Variants in SAMD5 observed in about 807,000 individuals in gnomAD.
SAMD5 encodes the protein sterile alpha motif domain containing 5.
Under a neutral mutation model 11.3 loss-of-function variants are expected in SAMD5, and 13 were observed. The observed-to-expected ratio is 1.15, with a 90% confidence interval of 0.75 to 1.83. The LOEUF (loss-of-function observed/expected upper bound fraction) is 1.83. Among genes scored for constraint, SAMD5 ranks in the 40% most tolerant of loss-of-function variants. SAMD5 has a pLI of 0.00. For synonymous variants in SAMD5, 129 were observed against 111.3 expected, an observed-to-expected ratio of 1.16 and a Z score of -1.00; for missense variants, 255 against 239.1, an observed-to-expected ratio of 1.07 and a Z score of -0.44.
intron 1 of SAMD5, among the ~76,000 whole-genome samples, chr6:147,625,971 G>A (rs1466878137): frequency 6.6e-6 from 1 of 152,128 alleles, no homozygotes; most frequent in Admixed American, 6.5e-5. Context: ...CAGCTTGTTT[G>A]CTGTTAAGGG....
the SAMD5 span, among the ~76,000 whole-genome samples, chr6:147,826,794 A>T: frequency 3.3e-5 from 5 of 152,116 alleles, no homozygotes; most frequent in African/African-American, 1.2e-4. Context: ...TGGTGTTATT[A>T]TGGTCCTATC....
At chr6:147,893,177 G>A in the SAMD5 span, among the ~76,000 whole-genome samples, 1 of 151,616 alleles carries the variant, frequency 6.6e-6, no homozygotes, top group Non-Finnish European at 1.5e-5. Flanking sequence ...ACTCCAGCCT[G>A]GGCAATGAGA....
rs191130650 is a variant in SAMD5, at chr6:147,661,241, C to T, written c.163-76076C>T. ...CCTTAAAGGGCATTTACATCTGAGA[C>T]TTCACCTTCAGATTTTTTATGAAAG... On this transcript the variant is annotated intron_variant, in intron 1 of 1. Transcript: ENST00000566741. Among the ~76,000 whole-genome samples, 16 of 152,148 alleles carry T rather than the reference C, an allele frequency of 1.1e-4. No individual in the cohort carries two copies. The East Asian group carries it at 3.1e-3, about 29-fold the overall frequency.
At chr6:147,832,814 G>A in the SAMD5 span, among the ~76,000 whole-genome samples, 3 of 151,954 alleles carry the variant, frequency 2.0e-5, no homozygotes, top group Non-Finnish European at 4.4e-5. Flanking sequence ...TTAACCCAAC[G>A]CTCCCAAATC....
chr6:147,833,269 C>T, the SAMD5 span, among the ~76,000 whole-genome samples: 1 of 152,102 alleles, frequency 6.6e-6, no homozygotes, highest in Non-Finnish European at 1.5e-5. Flanking sequence ...CTTTGTGGCA[C>T]CTATTTATGA....
intron 1 of SAMD5, among the ~76,000 whole-genome samples, chr6:147,513,123 G>C (rs184465775): frequency 6.6e-6 from 1 of 152,338 alleles, no homozygotes; most frequent in Admixed American, 6.5e-5. Context: ...TTAAAGCACT[G>C]AGTGCCTGGA....
At chr6:147,954,495 A>G in the SAMD5 span, among the ~76,000 whole-genome samples, 2 of 152,142 alleles carry the variant, frequency 1.3e-5, no homozygotes, top group Non-Finnish European at 2.9e-5. Context: ...GCCTAAGTGT[A>G]AGGTGTTTTT....
In SAMD5 at chr6:147,566,290, T is replaced by C; in HGVS notation, c.*1834T>C. 1 of 978,418 alleles carries C rather than the reference T, an allele frequency of 1.0e-6. No homozygotes were observed. The highest frequency in any genetic ancestry group is 1.2e-6 in the Non-Finnish European group (1 of 823,460). 60.6% of individuals were successfully genotyped at this position (978,418 alleles called of 1,614,324 possible). On this transcript the variant is annotated 3_prime_UTR_variant, in exon 2 of 2. Coordinates refer to ENST00000367474, the MANE Select transcript of SAMD5 (RefSeq NM_001030060.3). ...TATATTCCAGTTAACCTTTCATCTT[T>C]TTTTTTTTTCCAAATGAACTAGGGT...
At chr6:147,748,572 A>C in the SAMD5 span, among the ~76,000 whole-genome samples, 1 of 152,130 alleles carries the variant, frequency 6.6e-6, no homozygotes, top group East Asian at 1.9e-4. Flanking sequence ...AGAATAAAGA[A>C]AGACTAATTG....
the SAMD5 span, among the ~76,000 whole-genome samples, chr6:147,888,772 C>A: frequency 1.3e-5 from 2 of 151,406 alleles, no homozygotes; most frequent in East Asian, 1.9e-4. Context: ...GTAATCCCAG[C>A]AACTCAGGAG....
At chr6:147,722,983 T>C (rs58937853) in intron 1 of SAMD5, among the ~76,000 whole-genome samples, 27,940 of 152,050 alleles carry the variant, frequency 0.18, 4,276 homozygotes, top group African/African-American at 0.42. Flanking sequence ...TCTGGGAAGC[T>C]GAAGGCTATT....
intron 1 of SAMD5, among the ~76,000 whole-genome samples, chr6:147,724,327 A>AT (rs1004290508): frequency 1.3e-5 from 2 of 151,746 alleles, no homozygotes; most frequent in Non-Finnish European, 2.9e-5. Flanking sequence ...GCTTAACTTT[A>AT]TTTTTTTTCA....
At chr6:147,742,252 GTGTGTGTGTGT>G (rs1791890306), downstream of SAMD5, among the ~76,000 whole-genome samples, 1 of 130,470 alleles carries the variant, frequency 7.7e-6, no homozygotes, top group African/African-American at 2.8e-5. Context: ...GTGTGTGTTT[GTGTGTGTGTGT>G]TGTGTGTGTT....
intron 1 of SAMD5, among the ~76,000 whole-genome samples, chr6:147,542,855 CTG>C (rs1164974432): frequency 1.3e-5 from 2 of 152,144 alleles, no homozygotes; most frequent in Admixed American, 1.3e-4. Context: ...TGGGAAAGGG[CTG>C]TTACTGTCTT....
the SAMD5 span, among the ~76,000 whole-genome samples, chr6:147,797,845 T>G: frequency 3.0e-4 from 45 of 150,884 alleles, no homozygotes; most frequent in East Asian, 6.5e-3. Flanking sequence ...GATTTTCTAG[T>G]TTATTTGCGT....
chr6:147,864,672 T>C, the SAMD5 span, among the ~76,000 whole-genome samples: 12 of 152,222 alleles, frequency 7.9e-5, no homozygotes, highest in African/African-American at 2.7e-4. Context: ...ACTTATTTGT[T>C]GTGGTGTGTG....
At chr6:147,778,177 G>A in the SAMD5 span, among the ~76,000 whole-genome samples, 1 of 152,104 alleles carries the variant, frequency 6.6e-6, no homozygotes, top group Non-Finnish European at 1.5e-5. Context: ...GGTTCTCGTC[G>A]TTAGTTCTAT....
chr6:147,868,372 GC>G, the SAMD5 span, among the ~76,000 whole-genome samples: 1 of 152,168 alleles, frequency 6.6e-6, no homozygotes, highest in African/African-American at 2.4e-5. Flanking sequence ...GCAAGACTTG[GC>G]CTGGAAACAT....
rs7774985 is a variant in SAMD5, at chr6:147,692,128, T to A, written c.163-45189T>A. ...ATATGGAAATTCTAGTGTAGATGTT[T>A]AAAAAGGAACTTTCCATACTATAGA... On this transcript the variant is annotated intron_variant, in intron 1 of 1. Transcript: ENST00000566741. Among the ~76,000 whole-genome samples, 874 of 151,916 alleles carry A rather than the reference T, an allele frequency of 5.8e-3. 10 individuals carry two copies. Among genetic ancestry groups the A allele is most frequent in the African/African-American group, 0.02 (821 of 41,410 alleles).
Sources: allele counts gnomAD v4.1 joint callset (sites outside exome capture counted in the v4.1 genomes callset), GRCh38; gene constraint gnomAD v4.1.1; transcripts MANE v1.5; gene names NCBI Gene and HGNC (gene_info 2026-07-23, HGNC 2026-07-21).